The following KCNG2 variants were observed in gnomAD, a reference collection of about 807,000 sequenced individuals.
KCNG2 encodes the protein voltage-gated potassium channel regulatory subunit KCNG2.
KCNG2 carries 7 observed loss-of-function variants against 12.3 expected under a neutral mutation model. The ratio of observed to expected loss-of-function variants is 0.57; its 90% CI spans 0.32 to 1.07. The LOEUF (loss-of-function observed/expected upper bound fraction) is 1.07, where lower values mean the gene tolerates loss of function less well. Among genes scored for constraint, KCNG2 ranks in the 50% least tolerant of loss-of-function variants. The pLI, the probability that KCNG2 is intolerant of heterozygous loss-of-function variation, is 0.04. For synonymous variants in KCNG2, 414 were observed against 351.4 expected, an observed-to-expected ratio of 1.18 and a Z score of -1.99; for missense variants, 703 against 726.0, an observed-to-expected ratio of 0.97 and a Z score of 0.36.
At chr18:79,828,523 GTT>G (rs1279661894) in intron 1 of KCNG2, among the ~76,000 whole-genome samples, 1 of 137,160 alleles carries the variant, frequency 7.3e-6, no homozygotes, top group Non-Finnish European at 1.6e-5. Context: ...AGTGTAACGT[GTT>G]TATGCATGTC....
rs116446809 is a variant in KCNG2, at chr18:79,824,099, C to T, written c.-115+26085C>T. 3.9e-3 allele frequency among the ~76,000 whole-genome samples: 588 copies of T among 152,316 alleles called. 2 individuals carry two copies. The highest frequency in any genetic ancestry group is 0.013 in the African/African-American group (553 of 41,580). On this transcript the variant is annotated intron_variant, in intron 1 of 3. Coordinates refer to ENST00000316249, the MANE Select transcript of KCNG2 (RefSeq NM_012283.2). ...CTCACTGCAGCCTCCGCCCCCCAGG[C>T]TCAGATGATCCTCCCACCTCTCAGC...
intron 1 of KCNG2, among the ~76,000 whole-genome samples, chr18:79,851,927 T>G (rs1165790551): frequency 6.6e-6 from 1 of 152,212 alleles, no homozygotes; most frequent in Non-Finnish European, 1.5e-5. Flanking sequence ...ACAACAGCCT[T>G]GTAAGGTAGG....
chr18:79,835,878 A>G (rs1298035676), intron 1 of KCNG2, among the ~76,000 whole-genome samples: 1 of 152,250 alleles, frequency 6.6e-6, no homozygotes, highest in Non-Finnish European at 1.5e-5. Flanking sequence ...TAATACCTAG[A>G]ACAGATACAA....
intron 1 of KCNG2, among the ~76,000 whole-genome samples, chr18:79,819,354 G>A (rs2087554145): frequency 6.6e-6 from 1 of 152,244 alleles, no homozygotes; most frequent in African/African-American, 2.4e-5. Context: ...CCTGGTGGCT[G>A]TACGGGTGAG....
intron 3 of KCNG2, among the ~76,000 whole-genome samples, chr18:79,881,456 G>C (rs1295308109): frequency 6.6e-6 from 1 of 152,238 alleles, no homozygotes; most frequent in Non-Finnish European, 1.5e-5. Context: ...TAAGGGAGTT[G>C]CTAGCAGTGA....
intron 1 of KCNG2, among the ~76,000 whole-genome samples, chr18:79,833,942 A>G (rs1463839968): frequency 1.3e-5 from 2 of 152,258 alleles, no homozygotes; most frequent in East Asian, 1.9e-4. Flanking sequence ...ACATCTGGCC[A>G]CAGATGCTCT....
At chr18:79,833,198 C>T (rs1036873352) in intron 1 of KCNG2, among the ~76,000 whole-genome samples, 5 of 151,990 alleles carry the variant, frequency 3.3e-5, no homozygotes, top group East Asian at 1.9e-4. Flanking sequence ...TGCAGTGGTG[C>T]GATCTTGGCT....
At chr18:79,885,244 C>CTTTTTTTGTG (rs1980478796) in intron 3 of KCNG2, among the ~76,000 whole-genome samples, 1 of 152,180 alleles carries the variant, frequency 6.6e-6, no homozygotes, top group Non-Finnish European at 1.5e-5. Flanking sequence ...ACAAAAAAAG[C>CTTTTTTTGTG]CAAACAATCT....
At position 79,897,448 on chromosome 18, in the gene KCNG2, C is replaced by G. The variant is rs984901761; in HGVS notation, c.625-1592C>G. ...TTTTTTTAAATGTCCATCTCTTTAC[C>G]AACAGCCTCTATTTGTGGCATGTTC... On this transcript the variant is annotated intron_variant, in intron 3 of 3. Coordinates refer to ENST00000316249, the MANE Select transcript of KCNG2 (RefSeq NM_012283.2). Among the ~76,000 whole-genome samples the G allele has an allele frequency of 3.9e-5, 6 of 152,040 alleles. No individual in the cohort carries two copies. In the East Asian group the frequency reaches 1.2e-3, roughly 29 times the overall value.
chr18:79,889,868 G>T (rs923642869), intron 3 of KCNG2, among the ~76,000 whole-genome samples: 2 of 152,244 alleles, frequency 1.3e-5, no homozygotes, highest in Non-Finnish European at 2.9e-5. Flanking sequence ...TAGCTGTGGG[G>T]TTTCTATAGA....
chr18:79,872,690 C>T (rs945679908), intron 3 of KCNG2, among the ~76,000 whole-genome samples: 82 of 152,324 alleles, frequency 5.4e-4, no homozygotes, highest in Non-Finnish European at 9.1e-4. Flanking sequence ...GTGTGACTGG[C>T]GCTCCCATCC....
chr18:79,836,665 GGAGAAGCAA>G (rs1978328343), intron 1 of KCNG2, among the ~76,000 whole-genome samples: 2 of 152,292 alleles, frequency 1.3e-5, no homozygotes, highest in South Asian at 4.1e-4. Flanking sequence ...GAGAGGTAAA[GGAGAAGCAA>G]GACCTTCTTC....
At chr18:79,872,900 G>A (rs967301229) in intron 3 of KCNG2, among the ~76,000 whole-genome samples, 2 of 152,220 alleles carry the variant, frequency 1.3e-5, no homozygotes, top group Non-Finnish European at 2.9e-5. Context: ...GCGAAGCCTC[G>A]TGTGGCCCCC....
intron 3 of KCNG2, among the ~76,000 whole-genome samples, chr18:79,881,213 G>A (rs891702301): frequency 6.6e-5 from 10 of 152,228 alleles, no homozygotes; most frequent in African/African-American, 2.4e-4. Context: ...AACTGCCTAT[G>A]TAGAAACACA....
At position 79,807,489 on chromosome 18, in the gene KCNG2, G is replaced by A. The variant is rs889857399; in HGVS notation, c.-115+9475G>A. 8.5e-5 allele frequency among the ~76,000 whole-genome samples: 13 copies of A among 152,298 alleles called. No individual in the cohort carries two copies. The South Asian group carries it at 1.9e-3, about 22-fold the overall frequency. On this transcript the variant is annotated intron_variant, in intron 1 of 3. Coordinates refer to ENST00000316249, the MANE Select transcript of KCNG2 (RefSeq NM_012283.2). ...GACTGCTCTGACACGTCACCCCACC[G>A]GGATTTTTAGAACGCCTCTGCGCTC... is the stretch of plus-strand genomic sequence containing the variant.
intron 1 of KCNG2, among the ~76,000 whole-genome samples, chr18:79,802,448 C>T (rs769191546): frequency 8.5e-5 from 13 of 152,098 alleles, no homozygotes; most frequent in African/African-American, 1.4e-4. Flanking sequence ...CGTGCCGCTC[C>T]GGTCCGGAGA....
chr18:79,856,957 C>A (rs1263396095), intron 2 of KCNG2, among the ~76,000 whole-genome samples: 1 of 149,312 alleles, frequency 6.7e-6, no homozygotes, highest in Non-Finnish European at 1.5e-5. Context: ...CAGCTGATTG[C>A]TTTTGAATAA....
chr18:79,861,488 A>G (rs1158519777), intron 2 of KCNG2, among the ~76,000 whole-genome samples: 1 of 152,094 alleles, frequency 6.6e-6, no homozygotes, highest in African/African-American at 2.4e-5. Context: ...CATGTTGGCC[A>G]GGATGGTCTC....
chr18:79,881,167 A>G (rs1231830824), intron 3 of KCNG2, among the ~76,000 whole-genome samples: 2 of 152,262 alleles, frequency 1.3e-5, no homozygotes, highest in Non-Finnish European at 2.9e-5. Flanking sequence ...CTGCATATGT[A>G]GAAACACGCT....
Sources: allele counts gnomAD v4.1 joint callset (sites outside exome capture counted in the v4.1 genomes callset), GRCh38; gene constraint gnomAD v4.1.1; transcripts MANE v1.5; gene names NCBI Gene and HGNC (gene_info 2026-07-23, HGNC 2026-07-21).